Variants in WNT2 observed in about 807,000 individuals in gnomAD.
The protein encoded by WNT2 is Wnt family member 2.
Under a neutral mutation model 36.9 loss-of-function variants are expected in WNT2, and 12 were observed. That is an observed-to-expected ratio of 0.33 (90% CI 0.21 to 0.53). The LOEUF (loss-of-function observed/expected upper bound fraction) is 0.53, where lower values mean the gene tolerates loss of function less well. Among genes scored for constraint, WNT2 ranks in the 20% least tolerant of loss-of-function variants. The pLI is 0.95. For missense variants in WNT2, 379 were observed against 473.1 expected (o/e 0.80, Z 1.84); for synonymous variants, 163 against 174.6 (o/e 0.93, Z 0.52).
At position 117,277,657 on chromosome 7, in the gene WNT2, A is replaced by C. The variant is rs2116317541; in HGVS notation, c.*498T>G. Reference sequence around the variant, plus strand: ...GCTGTAAAACCACTTGATCAGACAAAAGTCTTGGTCTTTTCAAAAGTTAAA... The same window carrying C: ...GCTGTAAAACCACTTGATCAGACAACAGTCTTGGTCTTTTCAAAAGTTAAA... On this transcript the variant is annotated 3_prime_UTR_variant, in exon 5 of 5. Transcript: ENST00000265441. 1 of 159,630 alleles carries C rather than the reference A, an allele frequency of 6.3e-6. No homozygotes were observed. Among genetic ancestry groups the C allele is most frequent in the South Asian group, 1.8e-4 (1 of 5,586 alleles). The allele number at this position is 159,630 out of a possible 1,614,324, so 9.9% of individuals were successfully genotyped here. A position where few individuals can be genotyped will look rare whatever the true frequency, so the allele number is the denominator to read the frequency against.
chr7:117,298,516 A>T (rs1199024630), intron 3 of WNT2, among the ~76,000 whole-genome samples: 2 of 152,132 alleles, frequency 1.3e-5, no homozygotes, highest in African/African-American at 2.4e-5. Flanking sequence ...ACTTGGGGAG[A>T]TTCAGCTTAG....
At chr7:117,299,494 C>CTT (rs113776491) in intron 3 of WNT2, among the ~76,000 whole-genome samples, 27 of 138,850 alleles carry the variant, frequency 1.9e-4, no homozygotes, top group African/African-American at 4.2e-4. Context: ...TTCTTTCTTT[C>CTT]TTTTTTTTTT....
chr7:117,277,502 C>T lies in WNT2; in HGVS notation c.*653G>A, dbSNP rs576332760. 2 of 153,432 alleles carry T rather than the reference C, an allele frequency of 1.3e-5. No homozygotes were observed. Among genetic ancestry groups the T allele is most frequent in the South Asian group, 2.1e-4 (1 of 4,838 alleles). 9.5% of individuals were successfully genotyped at this position (153,432 alleles called of 1,614,324 possible). On this transcript the variant is annotated 3_prime_UTR_variant, in exon 5 of 5. Coordinates refer to ENST00000265441, the MANE Select transcript of WNT2 (RefSeq NM_003391.3). ...CAACACACCATAGTACCAAAGGACA[C>T]ACGTCCCCACCTTGTTACATCAGAT...
At chr7:117,280,092 T>C (rs575270497) in intron 4 of WNT2, among the ~76,000 whole-genome samples, 72 of 151,886 alleles carry the variant, frequency 4.7e-4, no homozygotes, top group Admixed American at 4.6e-3. Flanking sequence ...GTCAGAATGA[T>C]TGGCGGCGGA....
rs1795307930 is a variant in WNT2, at chr7:117,320,722, C to T, written c.155G>A (p.Arg52Gln). ...ATCTGGATGTCGGTGACACAGCTGC[C>T]GCTGGCTGCTCACCAGGCCTGGCAC... ...DNVPGLVSSQ[R>Q]QLCHRHPDVM... is the part of the protein sequence containing the mutation. The change falls in exon 2 of 5, where the codon CGG becomes CAG. Residue 52 changes from arginine (R) to glutamine (Q), a missense_variant. Transcript: ENST00000265441. 1 of 1,613,936 alleles carries T rather than the reference C, an allele frequency of 6.2e-7. No individual in the cohort carries two copies. Among genetic ancestry groups the T allele is most frequent in the Non-Finnish European group, 8.5e-7 (1 of 1,180,000 alleles).
chr7:117,287,954 C>T (rs1464143149), intron 4 of WNT2, among the ~76,000 whole-genome samples: 1 of 151,962 alleles, frequency 6.6e-6, no homozygotes, highest in Non-Finnish European at 1.5e-5. Flanking sequence ...GGCCATTGTA[C>T]TCCAGCCTAG....
intron 2 of WNT2, 31 bp from the exon 3 acceptor site, chr7:117,315,379 T>G (rs773631994): frequency 6.3e-7 from 1 of 1,596,514 alleles, no homozygotes; most frequent in African/African-American, 1.3e-5. Context: ...TTAAAAGTGG[T>G]CCGGTAGCAC....
In WNT2 at chr7:117,302,867, G is replaced by A. The variant is rs1424727399; in HGVS notation, c.589-4991C>T. 3.9e-5 allele frequency among the ~76,000 whole-genome samples: 6 copies of A among 152,296 alleles called. No homozygotes were observed. In the East Asian group the frequency reaches 1.2e-3, roughly 29 times the overall value. On this transcript the variant is annotated intron_variant, in intron 3 of 4. Transcript: ENST00000265441. ...TGTGTGTATAGCTGGCGGAAAAAGG[G>A]AAAAATGTTCTTTTACAATCTGGCT...
chr7:117,315,193 CA>C lies in WNT2; in HGVS notation c.465del (p.Gly156AlafsTer30). On this transcript the variant is annotated frameshift_variant, in exon 3 of 5. Coordinates refer to ENST00000265441, the MANE Select transcript of WNT2 (RefSeq NM_003391.3). LOFTEE classifies it high-confidence loss of function. ...CCATAGTCAATGTTATCACTGCAGC[CA>C]CCCCAATCAAAAATGCCTTTGCTGT... The part of the protein sequence containing the change: ...AKDSKGIFDW[G>X]GCSDNIDYGI... 1 of 1,614,152 alleles carries C rather than the reference CA, an allele frequency of 6.2e-7. No individual in the cohort carries two copies. Among genetic ancestry groups the C allele is most frequent in the Non-Finnish European group, 8.5e-7 (1 of 1,180,028 alleles).
chr7:117,309,782 T>C (rs1795087333), intron 3 of WNT2, among the ~76,000 whole-genome samples: 1 of 152,192 alleles, frequency 6.6e-6, no homozygotes, highest in African/African-American at 2.4e-5. Flanking sequence ...GAGTAGCCAA[T>C]AATAACATTA....
At chr7:117,319,089 T>G (rs1318529481) in intron 2 of WNT2, among the ~76,000 whole-genome samples, 4 of 152,198 alleles carry the variant, frequency 2.6e-5, no homozygotes, top group Non-Finnish European at 4.4e-5. Flanking sequence ...AAAAAAATCC[T>G]GATATGTTTT....
At chr7:117,281,520 G>A (rs76105832) in intron 4 of WNT2, among the ~76,000 whole-genome samples, 1,590 of 152,196 alleles carry the variant, frequency 0.01, 27 homozygotes, top group African/African-American at 0.035. Context: ...GATTACAGGC[G>A]TGACTCACAC....
chr7:117,287,260 G>A (rs190252843), intron 4 of WNT2, among the ~76,000 whole-genome samples: 122 of 152,252 alleles, frequency 8.0e-4, no homozygotes, highest in African/African-American at 2.8e-3. Context: ...CAGGAGAATC[G>A]CTTGAACCCA....
In WNT2 at chr7:117,277,997, C is replaced by G. The variant is rs919530037; in HGVS notation, c.*158G>C. 1 of 752,698 alleles carries G rather than the reference C, an allele frequency of 1.3e-6. No homozygotes were observed. Among genetic ancestry groups the G allele is most frequent in the Admixed American group, 2.8e-5 (1 of 35,692 alleles). The allele number at this position is 752,698 out of a possible 1,614,324, so 46.6% of individuals were successfully genotyped here. ...CTTTAGGTGCAGCGTGTGGCCCCCC[C>G]ATCCTGGGGCCCCCAGGGAGGAAGA... On this transcript the variant is annotated 3_prime_UTR_variant, in exon 5 of 5. Transcript: ENST00000265441.
chr7:117,282,450 G>A (rs1009910471), intron 4 of WNT2, among the ~76,000 whole-genome samples: 1 of 151,636 alleles, frequency 6.6e-6, no homozygotes, highest in Non-Finnish European at 1.5e-5. Flanking sequence ...GGAGAAAGAG[G>A]AGGAGAGGAA....
At chr7:117,306,809 A>G (rs1195330003) in intron 3 of WNT2, among the ~76,000 whole-genome samples, 1 of 152,214 alleles carries the variant, frequency 6.6e-6, no homozygotes, top group African/African-American at 2.4e-5. Context: ...CTATGCTAAA[A>G]AAGTAGTTTT....
intron 3 of WNT2, among the ~76,000 whole-genome samples, chr7:117,304,724 C>A (rs1365167841): frequency 6.6e-6 from 1 of 152,222 alleles, no homozygotes; most frequent in Non-Finnish European, 1.5e-5. Flanking sequence ...GCGTGAGCCA[C>A]CGCATCTGGT....
At chr7:117,308,512 G>A (rs1279255675) in intron 3 of WNT2, among the ~76,000 whole-genome samples, 1 of 152,192 alleles carries the variant, frequency 6.6e-6, no homozygotes, top group Non-Finnish European at 1.5e-5. Flanking sequence ...TGGTTCATAT[G>A]ATAAATAAAG....
chr7:117,321,832 T>C (rs1254237716), intron 1 of WNT2, among the ~76,000 whole-genome samples: 2 of 152,210 alleles, frequency 1.3e-5, no homozygotes. Flanking sequence ...GTCAGCAATG[T>C]CAAGGCTAAA....
Sources: allele counts gnomAD v4.1 joint callset (sites outside exome capture counted in the v4.1 genomes callset), GRCh38; gene constraint gnomAD v4.1.1; transcripts MANE v1.5; gene names NCBI Gene and HGNC (gene_info 2026-07-23, HGNC 2026-07-21).